MTRF1: variants seen among roughly 807,000 people sequenced by gnomAD.
MTRF1 encodes the protein peptide chain release factor 1, mitochondrial.
MTRF1 carries 51 observed loss-of-function variants against 62.9 expected under a neutral mutation model. The observed-to-expected ratio is 0.81, with a 90% CI of 0.65 to 1.02. MTRF1 has a LOEUF of 1.02. MTRF1 is among the 50% of genes least tolerant of loss of function. The pLI is 0.00. For missense variants in MTRF1, 446 were observed against 530.0 expected, an observed-to-expected ratio of 0.84 and a Z score of 1.56; for synonymous variants, 158 against 181.9, an observed-to-expected ratio of 0.87 and a Z score of 1.06.
chr13:41,233,882 T>G lies in MTRF1; in HGVS notation c.988+8A>C, dbSNP rs1469905016. On this transcript the variant is annotated splice_region_variant and intron_variant, in intron 7 of 9. Transcript: ENST00000379480. ...GGTTAAAAGTACAAAGCCAAGGGGC[T>G]TGCTTACCTGTGGGGATGTGGACAA... The G allele has an allele frequency of 1.4e-5, 22 of 1,599,488 alleles. No individual in the cohort carries two copies. The highest frequency in any genetic ancestry group is 1.9e-5 in the Non-Finnish European group (22 of 1,166,736).
the MTRF1 span, among the ~76,000 whole-genome samples, chr13:41,283,989 G>A: frequency 6.6e-6 from 1 of 152,044 alleles, no homozygotes; most frequent in African/African-American, 2.4e-5. Flanking sequence ...CCCCAGTTGG[G>A]TACAATGTCC....
chr13:41,261,738 G>A, intron 1 of MTRF1: 2 of 951,942 alleles, frequency 2.1e-6, no homozygotes, highest in Non-Finnish European at 2.5e-6. Context: ...GCTGGTATTA[G>A]AATGTAAGTT....
At chr13:41,283,113 A>C in the MTRF1 span, among the ~76,000 whole-genome samples, 1 of 152,210 alleles carries the variant, frequency 6.6e-6, no homozygotes, top group Non-Finnish European at 1.5e-5. Flanking sequence ...GATCTTTGTC[A>C]GTCATTTGAG....
At chr13:41,290,858 C>T in the MTRF1 span, among the ~76,000 whole-genome samples, 5 of 148,850 alleles carry the variant, frequency 3.4e-5, no homozygotes, top group African/African-American at 7.4e-5. Context: ...TTTGGGAGGC[C>T]GAGGTGGGTG....
chr13:41,271,686 C>T, the MTRF1 span, among the ~76,000 whole-genome samples: 1 of 152,076 alleles, frequency 6.6e-6, no homozygotes, highest in Non-Finnish European at 1.5e-5. Context: ...TCCAGTAGGG[C>T]CGCTGCACAT....
At chr13:41,299,247 A>C in the MTRF1 span, among the ~76,000 whole-genome samples, 533 of 152,088 alleles carry the variant, frequency 3.5e-3, 3 homozygotes, top group African/African-American at 0.012. Context: ...AAGGGGGAGA[A>C]ATTTTGGTAG....
At chr13:41,253,091 T>C in intron 3 of MTRF1, 61 bp from the exon 4 acceptor site, 2 of 1,252,176 alleles carry the variant, frequency 1.6e-6, no homozygotes, top group Non-Finnish European at 2.3e-6. Context: ...CTGAATTAAA[T>C]AAAGGCCCGA....
chr13:41,263,040 A>G (rs2040649008), intron 1 of MTRF1, among the ~76,000 whole-genome samples: 1 of 152,230 alleles, frequency 6.6e-6, no homozygotes, highest in Admixed American at 6.5e-5. Flanking sequence ...ACCAATGGCC[A>G]GCTGTCACAA....
the MTRF1 span, chr13:41,311,570 C>G: frequency 6.2e-7 from 1 of 1,608,588 alleles, no homozygotes; most frequent in Non-Finnish European, 8.5e-7. Context: ...GCAACCTCTT[C>G]AAACGCATCT....
intron 6 of MTRF1, among the ~76,000 whole-genome samples, chr13:41,238,222 A>C (rs1472893905): frequency 6.6e-6 from 1 of 152,206 alleles, no homozygotes; most frequent in African/African-American, 2.4e-5. Context: ...AGGATAGTAC[A>C]AAATGGGCCT....
upstream of MTRF1, among the ~76,000 whole-genome samples, chr13:41,266,996 C>CAAAA (rs59609555): frequency 3.1e-4 from 25 of 81,152 alleles, no homozygotes; most frequent in South Asian, 4.9e-4. Flanking sequence ...GACTCTGTCT[C>CAAAA]AAAAAAAAAA....
the MTRF1 span, among the ~76,000 whole-genome samples, chr13:41,280,259 C>T: frequency 6.6e-6 from 1 of 152,174 alleles, no homozygotes; most frequent in South Asian, 2.1e-4. Context: ...TTAACCTAAA[C>T]TTTCCTTTCC....
the MTRF1 span, among the ~76,000 whole-genome samples, chr13:41,269,747 T>C: frequency 6.6e-6 from 1 of 152,206 alleles, no homozygotes; most frequent in African/African-American, 2.4e-5. Context: ...CCTATTTTAG[T>C]TATGAAAACT....
At chr13:41,217,975 A>G (rs938257234) in intron 9 of MTRF1, among the ~76,000 whole-genome samples, 1 of 152,224 alleles carries the variant, frequency 6.6e-6, no homozygotes, top group Non-Finnish European at 1.5e-5. Context: ...AGTGTCTTTG[A>G]GGTCTGCAAT....
chr13:41,299,957 A>C, the MTRF1 span, among the ~76,000 whole-genome samples: 1 of 152,236 alleles, frequency 6.6e-6, no homozygotes, highest in African/African-American at 2.4e-5. Context: ...GAATGTGTGT[A>C]GCTCAAATAA....
At chr13:41,260,428 C>T (rs534414508) in intron 2 of MTRF1, 65 bp downstream of exon 2, 161 of 1,285,746 alleles carry the variant, frequency 1.3e-4, no homozygotes, top group Non-Finnish European at 1.7e-4. Context: ...TACACACACG[C>T]ATATAAGTGT....
chr13:41,256,985 G>A (rs1195305941), intron 2 of MTRF1, among the ~76,000 whole-genome samples: 2 of 152,124 alleles, frequency 1.3e-5, no homozygotes, highest in Non-Finnish European at 2.9e-5. Context: ...AACAGAGAAA[G>A]GTAACCACAC....
intron 6 of MTRF1, among the ~76,000 whole-genome samples, chr13:41,239,229 T>C (rs959730190): frequency 1.8e-4 from 28 of 152,044 alleles, no homozygotes; most frequent in African/African-American, 5.8e-4. Flanking sequence ...CAGCGAGACC[T>C]TGCCTCCAAA....
chr13:41,305,995 G>C, the MTRF1 span, among the ~76,000 whole-genome samples: 2 of 152,152 alleles, frequency 1.3e-5, no homozygotes, highest in African/African-American at 2.4e-5. Flanking sequence ...ATGCAAACTG[G>C]GAGGAGAGTA....
Sources: allele counts gnomAD v4.1 joint callset (sites outside exome capture counted in the v4.1 genomes callset), GRCh38; gene constraint gnomAD v4.1.1; transcripts MANE v1.5; gene names NCBI Gene and HGNC (gene_info 2026-07-23, HGNC 2026-07-21).